CDC42BPB: variants seen among roughly 807,000 people sequenced by gnomAD.
The protein encoded by CDC42BPB is CDC42 binding protein kinase beta.
Under a neutral mutation model 214.9 loss-of-function variants are expected in CDC42BPB, and 37 were observed. That is an observed-to-expected ratio of 0.17 (90% CI 0.13 to 0.23). The LOEUF is 0.23. CDC42BPB is among the 10% of genes least tolerant of loss of function. The probability of loss-of-function intolerance (pLI) is 1.00; values close to 1 mark genes in which losing one functional copy is unlikely to be tolerated. For synonymous variants in CDC42BPB, 931 were observed against 884.0 expected (o/e 1.05, Z -0.94); for missense variants, 1,694 against 2,227.0 (o/e 0.76, Z 4.82).
At chr14:102,964,373 C>T (rs1693166040) in intron 19 of CDC42BPB, 129 bp downstream of exon 19, 1 of 1,131,432 alleles carries the variant, frequency 8.8e-7, no homozygotes, top group Non-Finnish European at 1.2e-6. Context: ...GTGCTGCCTC[C>T]TAAGGCTCCA....
At chr14:103,042,294 T>C (rs763201595) in intron 1 of CDC42BPB, among the ~76,000 whole-genome samples, 2 of 151,690 alleles carry the variant, frequency 1.3e-5, no homozygotes, top group Non-Finnish European at 2.9e-5. Flanking sequence ...CTCTTAAAAT[T>C]CAACAAAAAC....
In CDC42BPB at chr14:103,036,990, G is replaced by GT. The variant is rs955288505; in HGVS notation, c.175+20008dup. ...ACCACCACGTCCAGCTAATTTTTGTGTTTTTTTTTGTAGAGACAGGGTTTC... is the reference window on the plus strand; with the variant it reads ...ACCACCACGTCCAGCTAATTTTTGTGTTTTTTTTTTGTAGAGACAGGGTTTC... On this transcript the variant is annotated intron_variant, in intron 1 of 36. Coordinates refer to ENST00000361246, the MANE Select transcript of CDC42BPB (RefSeq NM_006035.4). Among the ~76,000 whole-genome samples the GT allele has an allele frequency of 6.3e-4, 95 of 150,758 alleles. 1 individual carries two copies. The highest frequency in any genetic ancestry group is 3.4e-3 in the Middle Eastern group (1 of 292).
In CDC42BPB at chr14:103,057,367, C is replaced by G; in HGVS notation, c.-194G>C. The G allele has an allele frequency of 3.0e-6, 3 of 993,876 alleles. No homozygotes were observed. The highest frequency in any genetic ancestry group is 3.6e-6 in the Non-Finnish European group (3 of 833,530). The allele number at this position is 993,876 out of a possible 1,614,324, so 61.6% of individuals were successfully genotyped here. On this transcript the variant is annotated 5_prime_UTR_variant, in exon 1 of 37. Coordinates refer to ENST00000361246, the MANE Select transcript of CDC42BPB (RefSeq NM_006035.4). ...CGTCCCGACGGCGCAGAGTCTGGGG[C>G]GCCGGGCCCCGCGGGTCCATGGGCC...
intron 5 of CDC42BPB, among the ~76,000 whole-genome samples, chr14:102,988,725 GC>G (rs1213973452): frequency 3.3e-5 from 5 of 152,188 alleles, no homozygotes; most frequent in African/African-American, 1.2e-4. Context: ...CAACTGGAGA[GC>G]CATTTAAAGA....
In CDC42BPB at chr14:103,005,934, G is replaced by A. The variant is rs376604987; in HGVS notation, c.352-1911C>T. ...ACTCGGGAGGCTGAGGCAGAGAATC[G>A]TTTGAACGCAGGAGACCGAGGTCGC... is the stretch of plus-strand genomic sequence containing the variant. On this transcript the variant is annotated intron_variant, in intron 3 of 36. Coordinates refer to ENST00000361246, the MANE Select transcript of CDC42BPB (RefSeq NM_006035.4). 3.3e-5 allele frequency among the ~76,000 whole-genome samples: 5 copies of A among 149,754 alleles called. No individual in the cohort carries two copies. In the East Asian group the frequency reaches 5.9e-4, roughly 18 times the overall value.
intron 1 of CDC42BPB, among the ~76,000 whole-genome samples, chr14:103,036,520 G>A (rs905367046): frequency 6.6e-6 from 1 of 152,052 alleles, no homozygotes. Context: ...TAATTCTGAC[G>A]CCAAAATATT....
intron 5 of CDC42BPB, among the ~76,000 whole-genome samples, chr14:102,992,530 T>C (rs1894541072): frequency 6.6e-6 from 1 of 152,206 alleles, no homozygotes. Context: ...CCTCCCAGCC[T>C]GCGCTGACAG....
rs1375178331 is a variant in CDC42BPB at position 103,057,466 on chromosome 14, G to GCCGCGC, written c.-299_-294dup. 3.6e-6 allele frequency: 1 copy of GCCGCGC among 280,164 alleles called. No individual in the cohort carries two copies. The highest frequency in any genetic ancestry group is 5.3e-6 in the Non-Finnish European group (1 of 187,802). The allele number at this position is 280,164 out of a possible 1,614,324, so 17.4% of individuals were successfully genotyped here. A position where few individuals can be genotyped will look rare whatever the true frequency, so the allele number is the denominator to read the frequency against. On this transcript the variant is annotated 5_prime_UTR_variant, in exon 1 of 37. Coordinates refer to ENST00000361246, the MANE Select transcript of CDC42BPB (RefSeq NM_006035.4). Reference sequence around the variant, plus strand: ...CCCGCCGCCCTCAGCCCCGCCCGCGGCCGCGCCCTCCCCGCCGCCGCCGCC... The same window carrying GCCGCGC: ...CCCGCCGCCCTCAGCCCCGCCCGCGGCCGCGCCCGCGCCCTCCCCGCCGCCGCCGCC...
chr14:102,979,820 C>T (rs759155617), intron 8 of CDC42BPB, among the ~76,000 whole-genome samples: 4 of 152,138 alleles, frequency 2.6e-5, no homozygotes, highest in Admixed American at 6.5e-5. Flanking sequence ...TTCTCCAGGA[C>T]CAAAGGTACT....
At chr14:102,945,560 A>C (rs1030233841) in intron 29 of CDC42BPB, 102 bp downstream of exon 29, 1 of 1,050,432 alleles carries the variant, frequency 9.5e-7, no homozygotes, top group Admixed American at 1.9e-5. Context: ...GCCTTCATCA[A>C]GCGCATTTGT....
chr14:103,008,945 C>T (rs1412397453), intron 2 of CDC42BPB, among the ~76,000 whole-genome samples: 1 of 152,242 alleles, frequency 6.6e-6, no homozygotes, highest in African/African-American at 2.4e-5. Context: ...CTTTAAAGAA[C>T]AATTCAAGTG....
intron 5 of CDC42BPB, among the ~76,000 whole-genome samples, chr14:102,990,104 A>C (rs534432101): frequency 4.6e-4 from 70 of 152,304 alleles, no homozygotes; most frequent in African/African-American, 1.6e-3. Flanking sequence ...TTTTGGAAGC[A>C]CGCTAACGTC....
In CDC42BPB at chr14:102,959,503, G is replaced by A. The variant is rs958982912; in HGVS notation, c.2901+128C>T. 10 of 658,658 alleles carry A rather than the reference G, an allele frequency of 1.5e-5. No homozygotes were observed. The East Asian group carries it at 2.2e-4, about 15-fold the overall frequency. The allele number at this position is 658,658 out of a possible 1,614,324, so 40.8% of individuals were successfully genotyped here. A position where few individuals can be genotyped will look rare whatever the true frequency, so the allele number is the denominator to read the frequency against. On this transcript the variant is annotated intron_variant, in intron 21 of 36. Coordinates refer to ENST00000361246, the MANE Select transcript of CDC42BPB (RefSeq NM_006035.4). ...GGGTCAATTACACAGTTAGCACAACGCTGAGATAAACACTGAATGTATATT... is the reference window on the plus strand; with the variant it reads ...GGGTCAATTACACAGTTAGCACAACACTGAGATAAACACTGAATGTATATT...
At chr14:103,046,213 C>T (rs1888274908) in intron 1 of CDC42BPB, among the ~76,000 whole-genome samples, 2 of 151,956 alleles carry the variant, frequency 1.3e-5, no homozygotes, top group African/African-American at 4.8e-5. Flanking sequence ...GCTATGCCCC[C>T]CAACCCCTAA....
At position 103,050,818 on chromosome 14, in the gene CDC42BPB, A is replaced by C. The variant is rs113055989; in HGVS notation, c.175+6181T>G. Among the ~76,000 whole-genome samples, 762 of 152,220 alleles carry C rather than the reference A, an allele frequency of 5.0e-3. 11 individuals carry two copies. Among genetic ancestry groups the C allele is most frequent in the African/African-American group, 0.017 (711 of 41,522 alleles). Reference sequence around the variant, plus strand: ...CTATGACTCTGCAATTTTGGAGGTCAGGGAAATCATCACCTAAATTAACAC... The same window carrying C: ...CTATGACTCTGCAATTTTGGAGGTCCGGGAAATCATCACCTAAATTAACAC... On this transcript the variant is annotated intron_variant, in intron 1 of 36. Transcript: ENST00000361246.
At chr14:102,946,804 G>A in intron 27 of CDC42BPB, 120 bp from the exon 28 acceptor site, 1 of 1,469,548 alleles carries the variant, frequency 6.8e-7, no homozygotes, top group South Asian at 1.4e-5. Flanking sequence ...GTGCTTCCCA[G>A]GCAGGGACCC....
At chr14:102,938,544 G>A in intron 34 of CDC42BPB, 133 bp from the exon 35 acceptor site, 2 of 1,429,436 alleles carry the variant, frequency 1.4e-6, no homozygotes, top group Non-Finnish European at 1.8e-6. Context: ...GGGCTCTCTG[G>A]ATTGGACAAG....
At chr14:102,980,660 G>C (rs1361786615) in intron 8 of CDC42BPB, 113 bp downstream of exon 8, 3 of 1,015,900 alleles carry the variant, frequency 3.0e-6, no homozygotes, top group Non-Finnish European at 4.5e-6. Flanking sequence ...ACTGTCTTAA[G>C]TGCCAAATTT....
rs1289520068 is a variant in CDC42BPB at position 102,972,978 on chromosome 14, A to T, written c.1642-817T>A. On this transcript the variant is annotated intron_variant, in intron 12 of 36. Transcript: ENST00000361246. ...CTGGACAGCCTGCCCTTCAATGCAG[A>T]CTGATGTGCGGATACTGGCTGTCAC... Among the ~76,000 whole-genome samples, 8 of 152,304 alleles carry T rather than the reference A, an allele frequency of 5.3e-5. No homozygotes were observed. The East Asian group carries it at 1.5e-3, about 29-fold the overall frequency.
Sources: gnomAD v4.1 joint callset for allele counts (sites outside exome capture counted in the v4.1 genomes callset) on GRCh38, gnomAD v4.1.1 for gene constraint, MANE v1.5 for transcripts, NCBI Gene and HGNC (gene_info 2026-07-23, HGNC 2026-07-21) for gene names.